The following USH2A variants were observed in gnomAD, a reference collection of about 807,000 sequenced individuals.
The protein encoded by USH2A is Usher syndrome 2A (autosomal recessive, mild).
In USH2A, 443 loss-of-function variants were observed where a neutral mutation model predicts 538.9. That is an observed-to-expected ratio of 0.82 (90% CI 0.76 to 0.89). The LOEUF (loss-of-function observed/expected upper bound fraction) is 0.89, where lower values mean the gene tolerates loss of function less well. USH2A is among the 40% of genes least tolerant of loss of function. The pLI, the probability that USH2A is intolerant of heterozygous loss-of-function variation, is 0.00. For missense variants in USH2A, 6,633 were observed against 6,324.8 expected (o/e 1.05, Z -1.65); for synonymous variants, 2,413 against 2,273.5 (o/e 1.06, Z -1.75).
intron 61 of USH2A, among the ~76,000 whole-genome samples, chr1:215,702,257 T>C (rs928661752): frequency 6.6e-6 from 1 of 152,194 alleles, no homozygotes; most frequent in African/African-American, 2.4e-5. Context: ...TAACATTTTT[T>C]TCATCATTTC....
At position 215,877,811 on chromosome 1, in the gene USH2A, C is replaced by T. The variant is rs1180119632; in HGVS notation, c.8628G>A (p.Trp2876Ter). 1 of 1,613,754 alleles carries T rather than the reference C, an allele frequency of 6.2e-7. No individual in the cohort carries two copies. The highest frequency in any genetic ancestry group is 8.5e-7 in the Non-Finnish European group (1 of 1,179,730). Residue 2876 changes from tryptophan (W) to a stop codon, truncating the protein, a stop_gained, in exon 43 of 72, where the codon TGG (tryptophan) becomes TGA (stop). Transcript: ENST00000307340. LOFTEE classifies it high-confidence loss of function. ...ACTGAGTTCCTGAATAAATATTGTG[C>T]CACCGATTTAAATCTTCTGGGGGAT... ...ASNPPEDLNR[W>*]HNIYSGTQWL...
At chr1:215,659,412 C>T (rs947763623) in intron 64 of USH2A, among the ~76,000 whole-genome samples, 4 of 152,040 alleles carry the variant, frequency 2.6e-5, no homozygotes, top group Admixed American at 6.5e-5. Flanking sequence ...AATGAGACCA[C>T]GAAAGTCCTC....
At chr1:215,696,968 T>C (rs1658831305) in intron 61 of USH2A, among the ~76,000 whole-genome samples, 1 of 152,142 alleles carries the variant, frequency 6.6e-6, no homozygotes, top group Non-Finnish European at 1.5e-5. Flanking sequence ...TTGTTTGTTT[T>C]TTGAGACAGG....
intron 4 of USH2A, among the ~76,000 whole-genome samples, chr1:216,343,989 T>G (rs1418740966): frequency 6.6e-6 from 1 of 151,984 alleles, no homozygotes; most frequent in Non-Finnish European, 1.5e-5. Context: ...CTTTACTTTC[T>G]TAATAAACTT....
At chr1:215,928,928 G>T (rs959309019) in intron 38 of USH2A, among the ~76,000 whole-genome samples, 6 of 151,916 alleles carry the variant, frequency 3.9e-5, no homozygotes, top group Non-Finnish European at 1.5e-5. Flanking sequence ...GTATTATTGG[G>T]CAAAAATCAT....
At chr1:216,122,922 CTT>C (rs1222370054) in intron 21 of USH2A, among the ~76,000 whole-genome samples, 2 of 152,044 alleles carry the variant, frequency 1.3e-5, no homozygotes, top group Admixed American at 6.6e-5. Context: ...TCATAATAAT[CTT>C]GAGTGTGAGA....
intron 50 of USH2A, among the ~76,000 whole-genome samples, chr1:215,793,498 CAG>C (rs1389299855): frequency 1.3e-5 from 2 of 151,980 alleles, no homozygotes; most frequent in Non-Finnish European, 2.9e-5. Context: ...CACCACAAAA[CAG>C]AGGGTAGAGT....
chr1:215,831,442 G>C (rs1663312581), intron 47 of USH2A, among the ~76,000 whole-genome samples: 1 of 151,980 alleles, frequency 6.6e-6, no homozygotes, highest in Admixed American at 6.6e-5. Flanking sequence ...CATTCACTAA[G>C]ATAGATCATA....
In USH2A at chr1:215,729,048, A is replaced by G. The variant is rs1175546904; in HGVS notation, c.11712-664T>C. Among the ~76,000 whole-genome samples, 10 of 152,188 alleles carry G rather than the reference A, an allele frequency of 6.6e-5. No individual in the cohort carries two copies. In the East Asian group the frequency reaches 1.9e-3, roughly 29 times the overall value. ...CCAGGCCTTTTGCGAGTATGCTCGT[A>G]AACTCACTCTGAGCTTGGCTATATG... On this transcript the variant is annotated intron_variant, in intron 60 of 71. Coordinates refer to ENST00000307340, the MANE Select transcript of USH2A (RefSeq NM_206933.4).
At chr1:216,085,719 A>AGT (rs140742468) in intron 24 of USH2A, among the ~76,000 whole-genome samples, 5,107 of 143,636 alleles carry the variant, frequency 0.036, 87 homozygotes, top group South Asian at 0.046. Context: ...TGTGTACGTG[A>AGT]GTGTGTGTGT....
intron 30 of USH2A, among the ~76,000 whole-genome samples, chr1:216,056,751 G>T (rs551658682): frequency 2.0e-5 from 3 of 152,046 alleles, no homozygotes; most frequent in African/African-American, 7.2e-5. Flanking sequence ...TTACAAAAAT[G>T]ACTGATTTAT....
chr1:216,362,325 C>T (rs1422815750), intron 4 of USH2A, among the ~76,000 whole-genome samples: 1 of 151,928 alleles, frequency 6.6e-6, no homozygotes, highest in Non-Finnish European at 1.5e-5. Flanking sequence ...ATGATCAAGA[C>T]ATACGTAAAA....
chr1:215,655,055 C>T (rs1553250779), intron 64 of USH2A, among the ~76,000 whole-genome samples: 1 of 152,150 alleles, frequency 6.6e-6, no homozygotes, highest in Non-Finnish European at 1.5e-5. Context: ...ACAATATATT[C>T]CTTAGCCATG....
At chr1:215,705,573 TTC>T (rs768777130) in intron 61 of USH2A, among the ~76,000 whole-genome samples, 1 of 152,232 alleles carries the variant, frequency 6.6e-6, no homozygotes, top group Admixed American at 6.5e-5. Flanking sequence ...GAGATTTCTG[TTC>T]TGTTTTCTAA....
chr1:216,163,766 C>T (rs2034113329), intron 21 of USH2A, among the ~76,000 whole-genome samples: 1 of 151,632 alleles, frequency 6.6e-6, no homozygotes, highest in Non-Finnish European at 1.5e-5. Context: ...CCCACCTAGA[C>T]TCTAATTTTT....
chr1:215,983,370 A>C (rs950155920), intron 35 of USH2A, among the ~76,000 whole-genome samples: 1 of 152,348 alleles, frequency 6.6e-6, no homozygotes, highest in Non-Finnish European at 1.5e-5. Context: ...TATAACAATA[A>C]GTGAAAAGCT....
At chr1:215,630,876 AAC>A (rs1656261179) in intron 70 of USH2A, among the ~76,000 whole-genome samples, 1 of 151,738 alleles carries the variant, frequency 6.6e-6, no homozygotes, top group African/African-American at 2.4e-5. Flanking sequence ...AAAAAAAAAA[AAC>A]CTTGGTGAGT....
chr1:215,979,171 A>G (rs1389666347), intron 35 of USH2A, among the ~76,000 whole-genome samples: 1 of 152,104 alleles, frequency 6.6e-6, no homozygotes, highest in Admixed American at 6.6e-5. Flanking sequence ...CCTTTATAAA[A>G]CCATTAGATC....
chr1:215,833,817 A>G (rs1043464384), intron 47 of USH2A, among the ~76,000 whole-genome samples: 2 of 152,064 alleles, frequency 1.3e-5, no homozygotes, highest in African/African-American at 4.8e-5. Flanking sequence ...TCAAATCCAA[A>G]ATATATTTAA....
Sources: allele counts gnomAD v4.1 joint callset (sites outside exome capture counted in the v4.1 genomes callset), GRCh38; gene constraint gnomAD v4.1.1; transcripts MANE v1.5; gene names NCBI Gene and HGNC (gene_info 2026-07-23, HGNC 2026-07-21).